The following TRIP12 variants were observed in gnomAD, a reference collection of about 807,000 sequenced individuals.
TRIP12 encodes thyroid hormone receptor interactor 12.
In TRIP12, 25 loss-of-function variants were observed where a neutral mutation model predicts 244.2. The ratio of observed to expected loss-of-function variants is 0.10; its 90% confidence interval spans 0.07 to 0.14. TRIP12 has a LOEUF of 0.14. Among genes scored for constraint, TRIP12 ranks in the 10% least tolerant of loss-of-function variants. The probability of loss-of-function intolerance (pLI) is 1.00; values close to 1 mark genes in which losing one functional copy is unlikely to be tolerated. For synonymous variants in TRIP12, 905 were observed against 873.1 expected (o/e 1.04, Z -0.64); for missense variants, 1,677 against 2,486.4 (o/e 0.67, Z 6.92).
chr2:229,886,677 G>C (rs1381939079), intron 1 of TRIP12, among the ~76,000 whole-genome samples: 1 of 152,120 alleles, frequency 6.6e-6, no homozygotes, highest in Non-Finnish European at 1.5e-5. Context: ...ACATTGTCCA[G>C]GCTGTTCTCA....
At chr2:229,793,365 GAAAACCTT>G in intron 26 of TRIP12, 1 of 370,108 alleles carries the variant, frequency 2.7e-6, no homozygotes, top group Admixed American at 4.0e-5. Context: ...GCATGCATAT[GAAAACCTT>G]AAGTCAATAT....
intron 1 of TRIP12, among the ~76,000 whole-genome samples, chr2:229,897,434 G>A (rs1439282484): frequency 3.3e-5 from 5 of 152,140 alleles, no homozygotes; most frequent in Admixed American, 3.3e-4. Flanking sequence ...GATTATTTGA[G>A]GTCAGGAGTT....
chr2:229,790,800 T>C (rs1411657868), intron 30 of TRIP12, among the ~76,000 whole-genome samples: 1 of 152,222 alleles, frequency 6.6e-6, no homozygotes, highest in African/African-American at 2.4e-5. Context: ...TGGCCAATTA[T>C]CACTACCTTC....
intron 1 of TRIP12, among the ~76,000 whole-genome samples, chr2:229,920,247 G>A (rs1429145870): frequency 6.6e-6 from 1 of 152,088 alleles, no homozygotes; most frequent in Non-Finnish European, 1.5e-5. Context: ...AACTTGCTAG[G>A]TCTTTAAAAA....
intron 5 of TRIP12, among the ~76,000 whole-genome samples, chr2:229,840,247 C>T (rs1021995553): frequency 6.6e-5 from 10 of 151,870 alleles, no homozygotes; most frequent in African/African-American, 1.2e-4. Context: ...GTGAAAATAG[C>T]GTTAACAACA....
Position 229,766,610 on chromosome 2 carries a change from AT to A in TRIP12, c.*943del, listed in dbSNP as rs1220943075. On this transcript the variant is annotated 3_prime_UTR_variant, in exon 42 of 42. Coordinates refer to ENST00000675903, the MANE Select transcript of TRIP12 (RefSeq NM_001348323.3). ...AACGTAAAACAACAAAGGGAAAAAA[AT>A]TTTTTTACTCCAACAGGGAAGGAAA... 1 of 152,148 alleles carries A rather than the reference AT, an allele frequency of 6.6e-6. No individual in the cohort carries two copies. Among genetic ancestry groups the A allele is most frequent in the Non-Finnish European group, 1.5e-5 (1 of 68,022 alleles). 9.4% of individuals were successfully genotyped at this position (152,148 alleles called of 1,614,324 possible). A position where few individuals can be genotyped will look rare whatever the true frequency, so the allele number is the denominator to read the frequency against.
chr2:229,830,671 T>C (rs2053111481), intron 7 of TRIP12, 85 bp downstream of exon 7: 3 of 1,372,108 alleles, frequency 2.2e-6, no homozygotes, highest in Middle Eastern at 3.8e-4. Context: ...GTCAAATGAA[T>C]TTAACTAAAT....
chr2:229,800,807 A>G (rs913151432), intron 21 of TRIP12, among the ~76,000 whole-genome samples: 2 of 152,200 alleles, frequency 1.3e-5, no homozygotes, highest in Non-Finnish European at 2.9e-5. Flanking sequence ...ACATGCCTGT[A>G]GTCCCAGCTA....
At chr2:229,874,822 C>T (rs753471381) in intron 2 of TRIP12, among the ~76,000 whole-genome samples, 12 of 152,304 alleles carry the variant, frequency 7.9e-5, no homozygotes, top group South Asian at 2.1e-4. Flanking sequence ...TCAATATGCA[C>T]TGTTTATATA....
chr2:229,882,881 C>G (rs887443590), intron 1 of TRIP12, among the ~76,000 whole-genome samples: 1 of 152,140 alleles, frequency 6.6e-6, no homozygotes, highest in African/African-American at 2.4e-5. Flanking sequence ...AGCCAACAGC[C>G]TATTTGTCGA....
intron 1 of TRIP12, among the ~76,000 whole-genome samples, chr2:229,904,315 G>A (rs961287642): frequency 1.3e-5 from 2 of 151,430 alleles, no homozygotes; most frequent in South Asian, 2.1e-4. Context: ...CTACTTGAAA[G>A]GCTGAGGCAG....
chr2:229,785,293 G>A (rs2039654928), intron 34 of TRIP12, among the ~76,000 whole-genome samples: 1 of 152,208 alleles, frequency 6.6e-6, no homozygotes, highest in South Asian at 2.1e-4. Flanking sequence ...ATGGGGTAGG[G>A]GATAGAATGA....
upstream of TRIP12, chr2:229,922,750 C>G (rs976384369): frequency 1.7e-5 from 14 of 801,630 alleles, no homozygotes; most frequent in Middle Eastern, 1.0e-3. Flanking sequence ...GGAGATTTTC[C>G]TCGTCACCTC....
upstream of TRIP12, chr2:229,922,632 C>T (rs1439945501): frequency 1.9e-6 from 3 of 1,612,082 alleles, no homozygotes; most frequent in East Asian, 4.5e-5. Flanking sequence ...CGCGGTTTAC[C>T]CTCTCTCCTA....
At chr2:229,830,977 C>A in intron 6 of TRIP12, 138 bp from the exon 7 acceptor site, 1 of 707,388 alleles carries the variant, frequency 1.4e-6, no homozygotes, top group East Asian at 2.7e-5. Context: ...GTACACTCAG[C>A]TGTTCTTCTA....
chr2:229,858,688 C>G, intron 4 of TRIP12, 84 bp downstream of exon 4: 2 of 1,230,486 alleles, frequency 1.6e-6, no homozygotes. Flanking sequence ...GGGGAAAAAA[C>G]CCTTAACTTT....
At chr2:229,787,383 G>A in intron 33 of TRIP12, 122 bp downstream of exon 33, 1 of 976,480 alleles carries the variant, frequency 1.0e-6, no homozygotes. Context: ...AGGAAAATAG[G>A]GCTAGCTGAA....
chr2:229,922,222 G>A, upstream of TRIP12: 2 of 312,650 alleles, frequency 6.4e-6, no homozygotes, highest in East Asian at 6.1e-5. Context: ...TCCCTTCGAG[G>A]GACCAGGAAG....
In TRIP12 at chr2:229,767,615, A is replaced by T; in HGVS notation, c.6143T>A (p.Ile2048Lys). Residue 2048 changes from isoleucine to lysine, a missense_variant, in exon 42 of 42, where the codon ATA becomes AAA. By Grantham distance (102) the Ile-to-Lys change is moderately radical. Around this residue, in one of 11 missense-constraint regions of TRIP12, gnomAD observed 171 missense variants for 388.4 expected, o/e 0.44. Transcript: ENST00000675903. ...LKLPDYSSIE[I>K]MREKLLIAAR... ...TGCTATCAACAGTTTTTCACGCATT[A>T]TCTCAATGCTTGAATAGTCCGGCAA... The T allele has an allele frequency of 6.2e-7, 1 of 1,614,108 alleles. No individual in the cohort carries two copies. The highest frequency in any genetic ancestry group is 8.5e-7 in the Non-Finnish European group (1 of 1,179,994).
Sources: allele counts gnomAD v4.1 joint callset (sites outside exome capture counted in the v4.1 genomes callset), GRCh38; gene constraint gnomAD v4.1.1; regional missense constraint gnomAD v4.1.1; transcripts MANE v1.5; gene names NCBI Gene and HGNC (gene_info 2026-07-23, HGNC 2026-07-21).